PCDHGB4: variants seen among roughly 807,000 people sequenced by gnomAD.
PCDHGB4 encodes protocadherin gamma-B4.
Under a neutral mutation model 60.5 loss-of-function variants are expected in PCDHGB4, and 38 were observed. That is an observed-to-expected ratio of 0.63 (90% CI 0.48 to 0.82). The LOEUF (loss-of-function observed/expected upper bound fraction) is 0.82, where lower values mean the gene tolerates loss of function less well. Ranked by LOEUF, PCDHGB4 falls within the 40% of genes least tolerant of loss-of-function variation. The pLI, the probability that PCDHGB4 is intolerant of heterozygous loss-of-function variation, is 0.00. For missense variants in PCDHGB4, 1,109 were observed against 1,209.6 expected, an observed-to-expected ratio of 0.92 and a Z score of 1.23; for synonymous variants, 456 against 509.7, an observed-to-expected ratio of 0.89 and a Z score of 1.42.
intron 1 of PCDHGB4, chr5:141,440,534 C>A (rs562736984): frequency 1.3e-5 from 2 of 152,188 alleles, no homozygotes; most frequent in East Asian, 3.9e-4. Flanking sequence ...TCATGCACCA[C>A]GGTTCAGCAG....
intron 1 of PCDHGB4, chr5:141,390,523 G>C: frequency 1.8e-6 from 1 of 556,304 alleles, no homozygotes; most frequent in Non-Finnish European, 3.1e-6. Context: ...AGCAATGAGG[G>C]TGTGGTTTTA....
intron 1 of PCDHGB4, chr5:141,392,777 A>T (rs1226924811): frequency 6.5e-7 from 1 of 1,529,322 alleles, no homozygotes; most frequent in Admixed American, 2.2e-5. Context: ...ATTTATGCAC[A>T]GTGAAGATTC....
chr5:141,510,251 C>T (rs569804850), intron 3 of PCDHGB4, among the ~76,000 whole-genome samples: 5 of 144,790 alleles, frequency 3.5e-5, no homozygotes, highest in South Asian at 4.3e-4. Flanking sequence ...CCAGGCTGGG[C>T]GACAGAGCAG....
Position 141,389,649 on chromosome 5 carries a change from G to T in PCDHGB4, c.1765G>T (p.Val589Leu), listed in dbSNP as rs760551875. The change falls in exon 1 of 4, where the codon GTA (valine) becomes TTA (leucine). Residue 589 changes from valine to leucine, a missense_variant. By Grantham distance (32) the Val-to-Leu change is conservative (BLOSUM62 1). This residue lies in a region of PCDHGB4 where 1,068 missense variants were observed against 1,089.9 expected (regional missense o/e 0.98). Coordinates refer to ENST00000519479, the MANE Select transcript of PCDHGB4 (RefSeq NM_003736.4). ...AGAGCCTGGCTACTTGGTGACCAAG[G>T]TAGTGGCGGTGGACGCAGACTCAGG... is the stretch of plus-strand genomic sequence containing the variant. ...AAEPGYLVTK[V>L]VAVDADSGHN... 9.9e-6 allele frequency: 16 copies of T among 1,612,598 alleles called. No individual in the cohort carries two copies. Among genetic ancestry groups the T allele is most frequent in the Non-Finnish European group, 1.4e-5 (16 of 1,179,842 alleles).
chr5:141,423,488 ATTC>A, intron 1 of PCDHGB4: 1 of 1,613,954 alleles, frequency 6.2e-7, no homozygotes, highest in Non-Finnish European at 8.5e-7. Flanking sequence ...CTGCAAACCT[ATTC>A]CCACGAGGTC....
chr5:141,422,968 C>T lies in PCDHGB4; in HGVS notation c.2397+32687C>T. 6.2e-7 allele frequency: 1 copy of T among 1,614,240 alleles called. No homozygotes were observed. Among genetic ancestry groups the T allele is most frequent in the South Asian group, 1.1e-5 (1 of 91,086 alleles). On this transcript the variant is annotated intron_variant, in intron 1 of 3. Coordinates refer to ENST00000519479, the MANE Select transcript of PCDHGB4 (RefSeq NM_003736.4). ...CTCCACTGGCGTGGAGCTGGCGCCC[C>T]GCTCTGCGGAACCTGGCTACCTGGT...
chr5:141,441,918 C>A (rs1183933153), intron 1 of PCDHGB4: 8 of 351,246 alleles, frequency 2.3e-5, no homozygotes, highest in African/African-American at 1.1e-4. Flanking sequence ...ATGTGAGACA[C>A]AATGCGTGGC....
chr5:141,509,497 G>A (rs1167178592), intron 3 of PCDHGB4, among the ~76,000 whole-genome samples: 1 of 152,196 alleles, frequency 6.6e-6, no homozygotes, highest in Non-Finnish European at 1.5e-5. Flanking sequence ...TGGCATGCTG[G>A]ATGTGACGGT....
chr5:141,459,406 A>C (rs2098967498), intron 1 of PCDHGB4, among the ~76,000 whole-genome samples: 1 of 152,218 alleles, frequency 6.6e-6, no homozygotes, highest in Admixed American at 6.5e-5. Flanking sequence ...GCAGTATTGC[A>C]TTGTGTGGAT....
intron 1 of PCDHGB4, among the ~76,000 whole-genome samples, chr5:141,402,781 T>G (rs1456317365): frequency 1.3e-5 from 2 of 152,200 alleles, no homozygotes; most frequent in Non-Finnish European, 2.9e-5. Context: ...GATTTCCAGT[T>G]CTGCGGCTAC....
At chr5:141,446,657 A>G (rs2098510367) in intron 1 of PCDHGB4, among the ~76,000 whole-genome samples, 1 of 152,092 alleles carries the variant, frequency 6.6e-6, no homozygotes, top group African/African-American at 2.4e-5. Context: ...TTGTATTTTT[A>G]GTACAAGACA....
chr5:141,509,086 A>T lies in PCDHGB4; in HGVS notation c.2546-1861A>T, dbSNP rs147084289. On this transcript the variant is annotated intron_variant, in intron 3 of 3. Coordinates refer to ENST00000519479, the MANE Select transcript of PCDHGB4 (RefSeq NM_003736.4). ...CAGCTCCGGGGATTTGCGACATGAAATGGGGGCTGTAGAAACCTGAGCGCT... is the reference window on the plus strand; with the variant it reads ...CAGCTCCGGGGATTTGCGACATGAATTGGGGGCTGTAGAAACCTGAGCGCT... 8.3e-3 allele frequency among the ~76,000 whole-genome samples: 1,261 copies of T among 152,228 alleles called. 7 individuals are homozygous for T. Among genetic ancestry groups the T allele is most frequent in the Middle Eastern group, 0.037 (11 of 294 alleles).
chr5:141,408,133 T>A, intron 1 of PCDHGB4: 5 of 1,483,848 alleles, frequency 3.4e-6, no homozygotes, highest in Non-Finnish European at 4.5e-6. Context: ...GGCCGAATGC[T>A]CTTTTAGCGC....
chr5:141,462,462 T>G (rs570804965), intron 1 of PCDHGB4, among the ~76,000 whole-genome samples: 1 of 152,346 alleles, frequency 6.6e-6, no homozygotes, highest in Middle Eastern at 3.4e-3. Flanking sequence ...CTGAAAACTG[T>G]GTATTCTGCT....
At chr5:141,500,446 T>C (rs2099800320) in intron 2 of PCDHGB4, among the ~76,000 whole-genome samples, 1 of 152,002 alleles carries the variant, frequency 6.6e-6, no homozygotes, top group South Asian at 2.1e-4. Context: ...CCTGACCTCG[T>C]GATCCGCCCG....
chr5:141,409,034 A>C, intron 1 of PCDHGB4: 1 of 1,613,992 alleles, frequency 6.2e-7, no homozygotes, highest in Non-Finnish European at 8.5e-7. Context: ...TGCTGAGATA[A>C]ACTACTACTT....
At position 141,511,256 on chromosome 5, in the gene PCDHGB4, T is replaced by C. The variant is rs1003866304; in HGVS notation, c.*83T>C. On this transcript the variant is annotated 3_prime_UTR_variant, in exon 4 of 4. Transcript: ENST00000519479. ...CTTACCTGCACCCAGGCCTCAGAGT[T>C]TCAGGGCTAACCCCCAGAATACTGG... The C allele has an allele frequency of 1.9e-6, 3 of 1,563,388 alleles. No homozygotes were observed. The highest frequency in any genetic ancestry group is 2.7e-5 in the African/African-American group (2 of 73,508).
Position 141,390,085 on chromosome 5 carries a change from A to C in PCDHGB4, c.2201A>C (p.Glu734Ala), listed in dbSNP as rs1253804368. The C allele has an allele frequency of 2.5e-6, 4 of 1,613,916 alleles. No homozygotes were observed. The change falls in exon 1 of 4, where the codon GAA becomes GCA. Residue 734 changes from glutamate to alanine, a missense_variant. Transcript: ENST00000519479. ...CFQPGLCVKSESVVPPNYSEG... is the reference protein window; with the variant it reads ...CFQPGLCVKSASVVPPNYSEG... ...CAGCCTGGTCTCTGTGTTAAATCCGAATCCGTGGTTCCCCCCAACTACAGC... is the reference window on the plus strand; with the variant it reads ...CAGCCTGGTCTCTGTGTTAAATCCGCATCCGTGGTTCCCCCCAACTACAGC...
At chr5:141,497,284 A>G (rs1486878285) in intron 2 of PCDHGB4, among the ~76,000 whole-genome samples, 1 of 152,104 alleles carries the variant, frequency 6.6e-6, no homozygotes, top group South Asian at 2.1e-4. Context: ...TGTTCCCTCT[A>G]CCTACCACCA....
Sources: gnomAD v4.1 joint callset for allele counts (sites outside exome capture counted in the v4.1 genomes callset) on GRCh38, gnomAD v4.1.1 for gene constraint, gnomAD v4.1.1 regional missense constraint, MANE v1.5 for transcripts, NCBI Gene and HGNC (gene_info 2026-07-23, HGNC 2026-07-21) for gene names.